The following MACROD1 variants were observed in gnomAD, a reference collection of about 807,000 sequenced individuals.
MACROD1 encodes mono-ADP ribosylhydrolase 1.
In MACROD1, 31 loss-of-function variants were observed where a neutral mutation model predicts 41.4. That is an observed-to-expected ratio of 0.75 (90% CI 0.56 to 1.01). The LOEUF is 1.01. Among genes scored for constraint, MACROD1 ranks in the 50% least tolerant of loss-of-function variants. The pLI is 0.00. For missense variants in MACROD1, 473 were observed against 460.0 expected (o/e 1.03, Z -0.26); for synonymous variants, 252 against 203.4 (o/e 1.24, Z -2.03).
intron 3 of MACROD1, among the ~76,000 whole-genome samples, chr11:64,133,236 C>G (rs1291535219): frequency 6.6e-6 from 1 of 152,204 alleles, no homozygotes; most frequent in Non-Finnish European, 1.5e-5. Context: ...ACTTCGTGCC[C>G]TTTGAATGCA....
At chr11:64,056,566 GC>G (rs983556100) in intron 3 of MACROD1, among the ~76,000 whole-genome samples, 58 of 152,344 alleles carry the variant, frequency 3.8e-4, no homozygotes, top group African/African-American at 1.3e-3. Context: ...CAAACCTCAT[GC>G]CCCAAAGGCT....
intron 3 of MACROD1, among the ~76,000 whole-genome samples, chr11:64,029,653 C>T (rs2134362253): frequency 6.6e-6 from 1 of 152,216 alleles, no homozygotes; most frequent in South Asian, 2.1e-4. Flanking sequence ...CTGGCCTCGC[C>T]CCCACCCCCC....
chr11:64,001,282 A>G, intron 4 of MACROD1: 1 of 619,150 alleles, frequency 1.6e-6, no homozygotes. Context: ...CCACCCTCTT[A>G]TCTGGAATAC....
intron 3 of MACROD1, among the ~76,000 whole-genome samples, chr11:64,136,140 A>G (rs1306141119): frequency 6.6e-6 from 1 of 152,204 alleles, no homozygotes; most frequent in Non-Finnish European, 1.5e-5. Context: ...CCCATCAGAG[A>G]CCAGAAAGCT....
At chr11:63,999,145 C>T in intron 8 of MACROD1, 109 bp from the exon 9 acceptor site, 1 of 1,319,498 alleles carries the variant, frequency 7.6e-7, no homozygotes, top group Non-Finnish European at 1.0e-6. Context: ...GCGCCCTTCA[C>T]GGAGGCTCAC....
chr11:64,038,616 C>A (rs1411566729), intron 3 of MACROD1, among the ~76,000 whole-genome samples: 1 of 152,198 alleles, frequency 6.6e-6, no homozygotes, highest in Non-Finnish European at 1.5e-5. Flanking sequence ...AGTCATGGGG[C>A]TAGCAGCCCC....
chr11:64,059,165 G>A (rs1274024505), intron 3 of MACROD1, among the ~76,000 whole-genome samples: 1 of 152,174 alleles, frequency 6.6e-6, no homozygotes. Flanking sequence ...TCCCCCAGAG[G>A]ACAGACTTGG....
intron 3 of MACROD1, among the ~76,000 whole-genome samples, chr11:64,106,886 TTTTA>T (rs1372157405): frequency 1.3e-5 from 2 of 152,060 alleles, no homozygotes; most frequent in African/African-American, 4.8e-5. Flanking sequence ...ATTTATTTTA[TTTTA>T]TTTTTTTTTG....
intron 4 of MACROD1, among the ~76,000 whole-genome samples, chr11:64,003,160 G>A (rs1055471323): frequency 1.3e-5 from 2 of 152,144 alleles, no homozygotes; most frequent in African/African-American, 4.8e-5. Context: ...AGGCCCCTCT[G>A]CCTCCTCCCT....
intron 3 of MACROD1, among the ~76,000 whole-genome samples, chr11:64,070,531 A>C (rs1944088040): frequency 6.6e-6 from 1 of 152,178 alleles, no homozygotes; most frequent in Non-Finnish European, 1.5e-5. Flanking sequence ...GCTGCCCGAG[A>C]GCAGAGCTCG....
rs1007123734 is a variant in MACROD1, at chr11:64,146,911, C to T, written c.517+4328G>A. Reference sequence around the variant, plus strand: ...CATGCTACATCACAAACACACGCACCGCACACATCACACACACAGGCCAAA... The same window carrying T: ...CATGCTACATCACAAACACACGCACTGCACACATCACACACACAGGCCAAA... On this transcript the variant is annotated intron_variant, in intron 3 of 10. Transcript: ENST00000255681. This position sits in a 1 kb window ranked among gnomAD's most constrained non-coding sequence, Gnocchi z 4.7. Among the ~76,000 whole-genome samples, 2 of 151,728 alleles carry T rather than the reference C, an allele frequency of 1.3e-5. No individual in the cohort carries two copies. The highest frequency in any genetic ancestry group is 2.9e-5 in the Non-Finnish European group (2 of 67,940).
intron 3 of MACROD1, among the ~76,000 whole-genome samples, chr11:64,076,973 A>T (rs1300832227): frequency 6.6e-6 from 1 of 152,044 alleles, no homozygotes; most frequent in Non-Finnish European, 1.5e-5. Context: ...ACCTCCTAAA[A>T]ATAGGGCTGA....
At chr11:64,117,341 G>C in intron 3 of MACROD1, 1 of 1,614,036 alleles carries the variant, frequency 6.2e-7, no homozygotes, top group Non-Finnish European at 8.5e-7. Flanking sequence ...TCATGTGCCA[G>C]GGCCCTGAGA....
intron 4 of MACROD1, among the ~76,000 whole-genome samples, chr11:64,010,986 G>T (rs1299001113): frequency 6.7e-6 from 1 of 148,774 alleles, no homozygotes; most frequent in Non-Finnish European, 1.5e-5. Context: ...GTTGGTTGGG[G>T]TGTTGGTTGG....
rs1360418410 is a variant in MACROD1 at position 64,000,315 on chromosome 11, G to C, written c.576C>G (p.Gly192=). 1.3e-6 allele frequency: 2 copies of C among 1,591,570 alleles called. No homozygotes were observed. Among genetic ancestry groups the C allele is most frequent in the East Asian group, 2.3e-5 (1 of 43,686 alleles). The change falls in exon 5 of 11, where the codon GGC becomes GGG. Residue 192 remains glycine (G), a synonymous_variant. Coordinates refer to ENST00000255681, the MANE Select transcript of MACROD1 (RefSeq NM_014067.4). ...GVDGCIHRAA[G]PLLTDECRTL... is the part of the protein sequence containing the mutation. ...TCCGGCACTCGTCGGTAAGCAGGGG[G>C]CCGGCGGCCCGATGAATGCAGCCGT...
chr11:64,107,885 C>A lies in MACROD1; in HGVS notation c.517+43354G>T, dbSNP rs147824863. Among the ~76,000 whole-genome samples, 781 of 152,334 alleles carry A rather than the reference C, an allele frequency of 5.1e-3. 6 individuals carry two copies. Among genetic ancestry groups the A allele is most frequent in the African/African-American group, 0.018 (754 of 41,572 alleles). On this transcript the variant is annotated intron_variant, in intron 3 of 10. Coordinates refer to ENST00000255681, the MANE Select transcript of MACROD1 (RefSeq NM_014067.4). ...ACTCACACGACTCAAGGCTCCCCTC[C>A]CTTCCTGCAGTTCATGTCTGGGGCT...
intron 3 of MACROD1, among the ~76,000 whole-genome samples, chr11:64,045,160 G>C (rs1943560300): frequency 6.6e-6 from 1 of 152,086 alleles, no homozygotes; most frequent in Non-Finnish European, 1.5e-5. Flanking sequence ...CCCAGATGCT[G>C]GCCTGTGACG....
At chr11:64,137,598 C>T (rs1420167371) in intron 3 of MACROD1, among the ~76,000 whole-genome samples, 1 of 152,032 alleles carries the variant, frequency 6.6e-6, no homozygotes, top group Non-Finnish European at 1.5e-5. Flanking sequence ...TCATCTGGGC[C>T]GGGTCAGGAG....
chr11:64,075,647 G>C (rs111785893), intron 3 of MACROD1, among the ~76,000 whole-genome samples: 22 of 152,308 alleles, frequency 1.4e-4, no homozygotes, highest in African/African-American at 5.3e-4. Context: ...GAGAAGAAGG[G>C]GGACCCCGAA....
Sources: gnomAD v4.1 joint callset for allele counts (sites outside exome capture counted in the v4.1 genomes callset) on GRCh38, gnomAD v4.1.1 for gene constraint, Gnocchi (gnomAD v3.1) non-coding constraint, MANE v1.5 for transcripts, NCBI Gene and HGNC (gene_info 2026-07-23, HGNC 2026-07-21) for gene names.